AOAH: variants seen among roughly 807,000 people sequenced by gnomAD.
AOAH encodes the protein acyloxyacyl hydrolase (neutrophil).
In AOAH, 64 loss-of-function variants were observed where a neutral mutation model predicts 92.2. That is an observed-to-expected ratio of 0.69 (90% confidence interval 0.57 to 0.86). AOAH has a LOEUF of 0.86. Ranked by LOEUF, AOAH falls within the 40% of genes least tolerant of loss-of-function variation. AOAH has a pLI of 0.00. For missense variants in AOAH, 656 were observed against 694.6 expected (o/e 0.94, Z 0.62); for synonymous variants, 263 against 254.5 (o/e 1.03, Z -0.32).
chr7:36,717,829 G>A (rs529773946), intron 1 of AOAH, among the ~76,000 whole-genome samples: 1 of 146,702 alleles, frequency 6.8e-6, no homozygotes, highest in Admixed American at 7.0e-5. Context: ...GGAACTTGGT[G>A]TCTGGGAAAT....
chr7:36,594,247 T>A (rs896616815), intron 12 of AOAH, 92 bp downstream of exon 12: 12 of 977,438 alleles, frequency 1.2e-5, no homozygotes, highest in Non-Finnish European at 2.0e-5. Flanking sequence ...TCCTAATAAT[T>A]CGCATTTCAA....
chr7:36,690,064 C>A, intron 1 of AOAH: 2 of 382,888 alleles, frequency 5.2e-6, no homozygotes, highest in Non-Finnish European at 1.0e-5. Flanking sequence ...GCGAATGGGG[C>A]AGCTTGAAAC....
At chr7:36,656,557 CAG>C (rs1289593389) in intron 4 of AOAH, among the ~76,000 whole-genome samples, 15 of 151,902 alleles carry the variant, frequency 9.9e-5, no homozygotes, top group African/African-American at 3.6e-4. Context: ...CTACTACAGA[CAG>C]AGGAGGCAGT....
chr7:36,618,344 C>A lies in AOAH; in HGVS notation c.704G>T (p.Gly235Val). ...TGGAACTCCATCTTTTGGATCGACA[C>A]CCTTTAAAAAAGAAACGATGTGATT... ...HQDSNCNGIW[G>V]VDPKDGVPYE... is the part of the protein sequence containing the mutation. Residue 235 changes from glycine to valine, a missense_variant and splice_region_variant, in exon 10 of 21, where the codon GGT becomes GTT. Physicochemically the swap from Gly to Val is moderately radical, Grantham distance 109. Coordinates refer to ENST00000617537, the MANE Select transcript of AOAH (RefSeq NM_001637.4). 3 of 1,613,902 alleles carry A rather than the reference C, an allele frequency of 1.9e-6. No homozygotes were observed. The South Asian group carries it at 3.3e-5, about 18-fold the overall frequency.
chr7:36,603,949 T>C (rs7800997), intron 11 of AOAH, among the ~76,000 whole-genome samples: 2,249 of 152,338 alleles, frequency 0.015, 49 homozygotes, highest in African/African-American at 0.052. Flanking sequence ...AGATACCTTA[T>C]AGTGTAATTT....
intron 1 of AOAH, among the ~76,000 whole-genome samples, chr7:36,712,547 T>C (rs1365253408): frequency 1.3e-5 from 2 of 152,182 alleles, no homozygotes; most frequent in Non-Finnish European, 2.9e-5. Context: ...ATTTGAAAAG[T>C]GGCAGAAAGA....
chr7:36,525,903 G>T (rs532355286), intron 19 of AOAH, among the ~76,000 whole-genome samples: 1 of 152,072 alleles, frequency 6.6e-6, no homozygotes, highest in Non-Finnish European at 1.5e-5. Context: ...ATAATTGTGG[G>T]GATCATAAAA....
At chr7:36,569,561 A>C (rs981956110) in intron 13 of AOAH, among the ~76,000 whole-genome samples, 2 of 148,936 alleles carry the variant, frequency 1.3e-5, no homozygotes, top group Non-Finnish European at 3.0e-5. Flanking sequence ...AAACTACCAG[A>C]TTTACATATC....
rs1257248278 is a variant in AOAH, at chr7:36,724,184, T to C, written c.-36A>G. ...TGCACCCCAAGTGATCACCCGGCTT[T>C]GGAAGCTCCCAACTGAGGGATGCTG... On this transcript the variant is annotated 5_prime_UTR_variant, in exon 1 of 21. Coordinates refer to ENST00000617537, the MANE Select transcript of AOAH (RefSeq NM_001637.4). 2 of 1,608,568 alleles carry C rather than the reference T, an allele frequency of 1.2e-6. No homozygotes were observed. The highest frequency in any genetic ancestry group is 1.7e-6 in the Non-Finnish European group (2 of 1,176,734).
chr7:36,647,346 G>A (rs1257917750), intron 4 of AOAH, among the ~76,000 whole-genome samples: 1 of 152,180 alleles, frequency 6.6e-6, no homozygotes. Flanking sequence ...GCCAAGAGTG[G>A]ATGCTGGGAG....
chr7:36,557,391 G>A (rs1381774249), intron 13 of AOAH, among the ~76,000 whole-genome samples: 2 of 152,168 alleles, frequency 1.3e-5, no homozygotes, highest in Admixed American at 6.5e-5. Context: ...TGGGTAACCC[G>A]ACCTTTCTCT....
intron 13 of AOAH, among the ~76,000 whole-genome samples, chr7:36,571,406 G>T (rs1197174034): frequency 6.6e-6 from 1 of 152,148 alleles, no homozygotes; most frequent in African/African-American, 2.4e-5. Flanking sequence ...AGCTCAATCA[G>T]CCAAGGCTGC....
chr7:36,514,723 A>T, intron 20 of AOAH: 1 of 670,422 alleles, frequency 1.5e-6, no homozygotes, highest in South Asian at 1.8e-5. Context: ...AGAGGGGAAT[A>T]CATTGTTCGG....
intron 2 of AOAH, among the ~76,000 whole-genome samples, chr7:36,674,320 T>C (rs1183418508): frequency 6.6e-6 from 1 of 152,220 alleles, no homozygotes; most frequent in Non-Finnish European, 1.5e-5. Flanking sequence ...ACCTGAATGT[T>C]GGCTATGACC....
chr7:36,558,753 C>T (rs1358156281), intron 13 of AOAH, among the ~76,000 whole-genome samples: 1 of 152,262 alleles, frequency 6.6e-6, no homozygotes, highest in East Asian at 1.9e-4. Flanking sequence ...ATCAGCGAGA[C>T]TCCGTGGGCA....
At chr7:36,704,021 C>T (rs1430056905) in intron 1 of AOAH, among the ~76,000 whole-genome samples, 1 of 152,022 alleles carries the variant, frequency 6.6e-6, no homozygotes, top group Non-Finnish European at 1.5e-5. Context: ...TGCAAGTTAC[C>T]ATGTGGTGTT....
rs184054157 is a variant in AOAH, at chr7:36,709,967, C to T, written c.127+14055G>A. ...GTATTCATGTCTATTTGGTGAATCA[C>T]TTTGGAACTAAGTCACATAAATTCT... On this transcript the variant is annotated intron_variant, in intron 1 of 20. Coordinates refer to ENST00000617537, the MANE Select transcript of AOAH (RefSeq NM_001637.4). 4.7e-3 allele frequency among the ~76,000 whole-genome samples: 717 copies of T among 152,262 alleles called. 5 individuals are homozygous for T. The highest frequency in any genetic ancestry group is 0.01 in the Admixed American group (153 of 15,282).
chr7:36,560,485 T>C (rs1031680553), intron 13 of AOAH, among the ~76,000 whole-genome samples: 1 of 152,216 alleles, frequency 6.6e-6, no homozygotes, highest in African/African-American at 2.4e-5. Flanking sequence ...TATTTTATTT[T>C]CTTGGGATAT....
chr7:36,609,756 G>T (rs1260580317), intron 11 of AOAH, among the ~76,000 whole-genome samples: 1 of 152,056 alleles, frequency 6.6e-6, no homozygotes, highest in African/African-American at 2.4e-5. Flanking sequence ...GCCCCATGGG[G>T]TTTTAAGCTC....
Sources: allele counts gnomAD v4.1 joint callset (sites outside exome capture counted in the v4.1 genomes callset), GRCh38; gene constraint gnomAD v4.1.1; transcripts MANE v1.5; gene names NCBI Gene and HGNC (gene_info 2026-07-23, HGNC 2026-07-21).